GALNT1: variants seen among roughly 807,000 people sequenced by gnomAD.
GALNT1 encodes GalNAc transferase 1.
GALNT1 carries 17 observed loss-of-function variants against 65.7 expected under a neutral mutation model. The observed-to-expected ratio is 0.26, with a 90% CI of 0.18 to 0.39. The LOEUF is 0.39. GALNT1 is among the 10% of genes least tolerant of loss of function. The pLI is 1.00. For missense variants in GALNT1, 460 were observed against 672.8 expected (o/e 0.68, Z 3.50); for synonymous variants, 210 against 219.7 (o/e 0.96, Z 0.39).
chr18:35,599,366 C>CCTTTTTTTT (rs61028491), intron 1 of GALNT1, among the ~76,000 whole-genome samples: 4 of 122,756 alleles, frequency 3.3e-5, no homozygotes, highest in African/African-American at 6.3e-5. Flanking sequence ...GAGATTTACA[C>CCTTTTTTTT]TTTTTTTTTT....
At chr18:35,697,539 A>G (rs1598810474) in intron 9 of GALNT1, among the ~76,000 whole-genome samples, 1 of 152,348 alleles carries the variant, frequency 6.6e-6, no homozygotes, top group Middle Eastern at 3.4e-3. Flanking sequence ...TCCCAAACAT[A>G]TCTGATCATA....
intron 1 of GALNT1, among the ~76,000 whole-genome samples, chr18:35,649,265 G>A (rs1393978842): frequency 6.6e-6 from 1 of 152,098 alleles, no homozygotes; most frequent in Non-Finnish European, 1.5e-5. Context: ...TCAGTTCATA[G>A]TGGTGTTTCA....
intron 1 of GALNT1, among the ~76,000 whole-genome samples, chr18:35,585,630 C>T (rs1162446213): frequency 6.6e-6 from 1 of 152,228 alleles, no homozygotes; most frequent in Non-Finnish European, 1.5e-5. Flanking sequence ...ACCTACTACC[C>T]TTCTACCTCC....
chr18:35,694,861 A>G (rs1363625627), intron 9 of GALNT1, among the ~76,000 whole-genome samples: 1 of 152,202 alleles, frequency 6.6e-6, no homozygotes, highest in Non-Finnish European at 1.5e-5. Context: ...ATTCTGATAC[A>G]TGCTACAACA....
chr18:35,604,266 T>C (rs768218263), intron 1 of GALNT1, among the ~76,000 whole-genome samples: 1 of 152,350 alleles, frequency 6.6e-6, no homozygotes, highest in Middle Eastern at 3.4e-3. Flanking sequence ...TTTAAATGGC[T>C]GCGTGGTACT....
chr18:35,651,105 G>C (rs1005925548), intron 1 of GALNT1, among the ~76,000 whole-genome samples: 1 of 152,174 alleles, frequency 6.6e-6, no homozygotes, highest in East Asian at 1.9e-4. Context: ...TGGTCCCTCC[G>C]TTCGGGGTCC....
At position 35,690,994 on chromosome 18, in the gene GALNT1, C is replaced by T. The variant is rs1343408276; in HGVS notation, c.979-18C>T. The T allele has an allele frequency of 6.4e-7, 1 of 1,558,742 alleles. No individual in the cohort carries two copies. Among genetic ancestry groups the T allele is most frequent in the Non-Finnish European group, 8.7e-7 (1 of 1,155,686 alleles). On this transcript the variant is annotated intron_variant, in intron 7 of 11. Transcript: ENST00000269195. Reference sequence around the variant, plus strand: ...ATTACTCAGCTACATGTTACATGGTCATCTCTGCTGTTTTCAGATTTGGCA... The same window carrying T: ...ATTACTCAGCTACATGTTACATGGTTATCTCTGCTGTTTTCAGATTTGGCA...
intron 1 of GALNT1, among the ~76,000 whole-genome samples, chr18:35,584,290 T>C (rs35159689): frequency 0.095 from 14,426 of 152,262 alleles, 753 homozygotes; most frequent in Admixed American, 0.17. Flanking sequence ...CATACAACTT[T>C]GGTACTTTTT....
chr18:35,641,801 A>G (rs973466394), intron 1 of GALNT1, among the ~76,000 whole-genome samples: 2 of 152,220 alleles, frequency 1.3e-5, no homozygotes, highest in Non-Finnish European at 2.9e-5. Context: ...CATATTGAAA[A>G]TATGCATACT....
Position 35,691,239 on chromosome 18 carries a change from C to T in GALNT1, c.1159+47C>T, listed in dbSNP as rs948930632. 2.0e-6 allele frequency: 3 copies of T among 1,496,530 alleles called. No individual in the cohort carries two copies. In the African/African-American group the frequency reaches 4.2e-5, roughly 21 times the overall value. The allele number at this position is 1,496,530 out of a possible 1,614,324, so 92.7% of individuals were successfully genotyped here. On this transcript the variant is annotated intron_variant, in intron 8 of 11. Transcript: ENST00000269195. ...AAATACAAGGCTGTACCTTTGTTGACCCTGATCCTGGAGGAGAAGTAAGAA... is the reference window on the plus strand; with the variant it reads ...AAATACAAGGCTGTACCTTTGTTGATCCTGATCCTGGAGGAGAAGTAAGAA...
intron 1 of GALNT1, among the ~76,000 whole-genome samples, chr18:35,590,692 G>A (rs1426369348): frequency 6.6e-6 from 1 of 151,950 alleles, no homozygotes; most frequent in Non-Finnish European, 1.5e-5. Context: ...AAATTTCTGG[G>A]ACTATTGAAA....
chr18:35,647,117 T>G (rs2047241320), intron 1 of GALNT1, among the ~76,000 whole-genome samples: 1 of 152,234 alleles, frequency 6.6e-6, no homozygotes, highest in African/African-American at 2.4e-5. Flanking sequence ...CACTAGCTTT[T>G]CAGTGTTGGG....
At position 35,663,308 on chromosome 18, in the gene GALNT1, GGACTCTA is replaced by G. The variant is rs147832187; in HGVS notation, c.140-318_140-312del. On this transcript the variant is annotated intron_variant, in intron 2 of 11. Coordinates refer to ENST00000269195, the MANE Select transcript of GALNT1 (RefSeq NM_020474.4). Reference sequence around the variant, plus strand: ...GGTTCAATTCCCCATTACAGAGGTTGGACTCTAGGAGGCCATAAGAATAACAATGAAG... The same window carrying G: ...GGTTCAATTCCCCATTACAGAGGTTGGGAGGCCATAAGAATAACAATGAAG... Among the ~76,000 whole-genome samples, 972 of 152,286 alleles carry G rather than the reference GGACTCTA, an allele frequency of 6.4e-3. 17 individuals carry two copies. Among genetic ancestry groups the G allele is most frequent in the African/African-American group, 0.022 (922 of 41,554 alleles).
In GALNT1 at chr18:35,692,386, TAGG is replaced by T. The variant is rs1037333010; in HGVS notation, c.1299+69_1299+71del. 10 of 1,025,174 alleles carry T rather than the reference TAGG, an allele frequency of 9.8e-6. No homozygotes were observed. In the African/African-American group the frequency reaches 1.2e-4, roughly 12 times the overall value. The allele number at this position is 1,025,174 out of a possible 1,614,324, so 63.5% of individuals were successfully genotyped here. A position where few individuals can be genotyped will look rare whatever the true frequency, so the allele number is the denominator to read the frequency against. On this transcript the variant is annotated intron_variant, in intron 9 of 11. Transcript: ENST00000269195. Reference sequence around the variant, plus strand: ...TTCTTACTTTTTTATTAAAAAAAAATAGGAGTTAGTTAAACTTCCAATAAGGAA... The same window carrying T: ...TTCTTACTTTTTTATTAAAAAAAAATAGTTAGTTAAACTTCCAATAAGGAA...
At chr18:35,608,592 A>C (rs1388296159) in intron 1 of GALNT1, among the ~76,000 whole-genome samples, 1 of 152,178 alleles carries the variant, frequency 6.6e-6, no homozygotes, top group Non-Finnish European at 1.5e-5. Context: ...TCATTTAATA[A>C]ACCTTAGTGT....
At chr18:35,587,871 G>A (rs2046396650) in intron 1 of GALNT1, among the ~76,000 whole-genome samples, 1 of 152,128 alleles carries the variant, frequency 6.6e-6, no homozygotes, top group Non-Finnish European at 1.5e-5. Context: ...TTCAATGTCT[G>A]TTTTTATTTT....
rs114605220 is a variant in GALNT1, at chr18:35,641,109, A to T, written c.-103-13451A>T. Reference sequence around the variant, plus strand: ...CCAAAGTATTGGGACTATAGGCATTAGCCACCATACCCAGACAAAGATACT... The same window carrying T: ...CCAAAGTATTGGGACTATAGGCATTTGCCACCATACCCAGACAAAGATACT... On this transcript the variant is annotated intron_variant, in intron 1 of 11. Coordinates refer to ENST00000269195, the MANE Select transcript of GALNT1 (RefSeq NM_020474.4). Among the ~76,000 whole-genome samples, 715 of 152,290 alleles carry T rather than the reference A, an allele frequency of 4.7e-3. 2 individuals carry two copies. Among genetic ancestry groups the T allele is most frequent in the African/African-American group, 0.016 (674 of 41,552 alleles).
At chr18:35,590,946 A>G (rs1171163836) in intron 1 of GALNT1, among the ~76,000 whole-genome samples, 1 of 152,220 alleles carries the variant, frequency 6.6e-6, no homozygotes, top group Non-Finnish European at 1.5e-5. Context: ...CAGAACTGAT[A>G]TAGGGAGAGT....
In GALNT1 at chr18:35,581,833, T is replaced by TGCCGCCGCCGCC. The variant is rs200772432; in HGVS notation, c.-127_-116dup. On this transcript the variant is annotated 5_prime_UTR_variant, in exon 1 of 12. Coordinates refer to ENST00000269195, the MANE Select transcript of GALNT1 (RefSeq NM_020474.4). ...CGCCGCGGCCGGCCCGGAGGACGCCTGCCGCCGCCGCCGCCGCGCGCCTAG... is the reference window on the plus strand; with the variant it reads ...CGCCGCGGCCGGCCCGGAGGACGCCTGCCGCCGCCGCCGCCGCCGCCGCCGCCGCGCGCCTAG... 58 of 143,582 alleles carry TGCCGCCGCCGCC rather than the reference T, an allele frequency of 4.0e-4. No homozygotes were observed. The highest frequency in any genetic ancestry group is 2.9e-4 in the Non-Finnish European group (19 of 65,062). The allele number at this position is 143,582 out of a possible 1,614,324, so 8.9% of individuals were successfully genotyped here. A position where few individuals can be genotyped will look rare whatever the true frequency, so the allele number is the denominator to read the frequency against.
Sources: allele counts gnomAD v4.1 joint callset (sites outside exome capture counted in the v4.1 genomes callset), GRCh38; gene constraint gnomAD v4.1.1; transcripts MANE v1.5; gene names NCBI Gene and HGNC (gene_info 2026-07-23, HGNC 2026-07-21).